GDF9: variants seen among roughly 807,000 people sequenced by gnomAD.
GDF9 encodes the protein growth differentiation factor 9.
GDF9 carries 30 observed loss-of-function variants against 33.8 expected under a neutral mutation model. That is an observed-to-expected ratio of 0.89 (90% CI 0.66 to 1.20). GDF9 has a LOEUF of 1.20. Ranked by LOEUF, GDF9 falls within the 50% of genes most tolerant of loss-of-function variation. The pLI is 0.00. For synonymous variants in GDF9, 205 were observed against 200.7 expected (o/e 1.02, Z -0.18); for missense variants, 556 against 543.7 (o/e 1.02, Z -0.22).
Position 132,862,034 on chromosome 5 carries a change from G to T in GDF9, c.920C>A (p.Ala307Asp), listed in dbSNP as rs1390494025. ...LSAYPVGEEA[A>D]EDGRSSHHRH... is the part of the protein sequence containing the mutation. The stretch of plus-strand genomic sequence containing the variant: ...GTGATGGGAAGATCTCCCATCCTCA[G>T]CAGCCTCTTCTCCCACAGGATAGGC... The change falls in exon 2 of 2, where the codon GCT (alanine) becomes GAT (aspartate). Residue 307 changes from alanine (A) to aspartate (D), a missense_variant. Physicochemically the swap from Ala to Asp is moderately radical, Grantham distance 126. Coordinates refer to ENST00000687138, the MANE Select transcript of GDF9 (RefSeq NM_005260.7). 2 of 1,613,830 alleles carry T rather than the reference G, an allele frequency of 1.2e-6. No homozygotes were observed. Among genetic ancestry groups the T allele is most frequent in the Admixed American group, 1.7e-5 (1 of 60,026 alleles).
upstream of GDF9, chr5:132,866,617 G>T (rs562291224): frequency 5.8e-4 from 327 of 564,112 alleles, 1 homozygote; most frequent in African/African-American, 5.6e-3. Flanking sequence ...CTCCAAGAGC[G>T]GCTTCCAACC....
rs1759301213 is a variant in GDF9 at position 132,862,185 on chromosome 5, T to G, written c.769A>C (p.Thr257Pro). 6.2e-7 allele frequency: 1 copy of G among 1,613,834 alleles called. No homozygotes were observed. Residue 257 changes from threonine (T) to proline (P), a missense_variant, in exon 2 of 2, where the codon ACT becomes CCT. Physicochemically the swap from Thr to Pro is conservative, Grantham distance 38 (BLOSUM62 -1). Coordinates refer to ENST00000687138, the MANE Select transcript of GDF9 (RefSeq NM_005260.7). ...PSAQNGLFNM[T>P]LVSPSLILYL... ...AAGATCAGTGAGGGGGACACCAGAG[T>G]CATGTTAAACAAACCATTCTGTGCT...
rs1416970286 is a variant in GDF9 at position 132,861,311 on chromosome 5, G to A, written c.*278C>T. 5.0e-6 allele frequency: 2 copies of A among 403,262 alleles called. No homozygotes were observed. Among genetic ancestry groups the A allele is most frequent in the African/African-American group, 2.0e-5 (1 of 48,896 alleles). The allele number at this position is 403,262 out of a possible 1,614,324, so 25.0% of individuals were successfully genotyped here. ...TCCCTATCAAGAATAAGACTCCTATGAAAAGAAAAAAAATCACTCAAGGAA... is the reference window on the plus strand; with the variant it reads ...TCCCTATCAAGAATAAGACTCCTATAAAAAGAAAAAAAATCACTCAAGGAA... On this transcript the variant is annotated 3_prime_UTR_variant, in exon 2 of 2. Transcript: ENST00000687138.
chr5:132,863,645 A>G (rs947141668), intron 1 of GDF9, among the ~76,000 whole-genome samples: 3 of 152,042 alleles, frequency 2.0e-5, no homozygotes, highest in African/African-American at 7.2e-5. Context: ...TCACCATGTT[A>G]TAATTTTTTA....
Position 132,864,236 on chromosome 5 carries a change from C to T in GDF9, c.298G>A (p.Glu100Lys). 1 of 1,614,196 alleles carries T rather than the reference C, an allele frequency of 6.2e-7. No individual in the cohort carries two copies. Among genetic ancestry groups the T allele is most frequent in the Non-Finnish European group, 8.5e-7 (1 of 1,180,022 alleles). ...CTTCTATTGGATTTAGGAATCCCTT[C>T]CTTGGTAGCATATGTCTTATAGAGC... is the stretch of plus-strand genomic sequence containing the variant. ...KKLYKTYATK[E>K]GIPKSNRSHL... The change falls in exon 1 of 2, where the codon GAA (glutamate) becomes AAA (lysine). Residue 100 changes from glutamate (E) to lysine (K), a missense_variant. Coordinates refer to ENST00000687138, the MANE Select transcript of GDF9 (RefSeq NM_005260.7).
rs17166294 is a variant in GDF9 at position 132,866,205 on chromosome 5, T to C, written c.-1672A>G. 27,592 of 153,010 alleles carry C rather than the reference T, an allele frequency of 0.18. 2,800 individuals carry two copies. Among genetic ancestry groups the C allele is most frequent in the African/African-American group, 0.27 (11,032 of 41,474 alleles). The allele number at this position is 153,010 out of a possible 1,614,324, so 9.5% of individuals were successfully genotyped here. On this transcript the variant is annotated 5_prime_UTR_variant, in exon 1 of 2. Transcript: ENST00000687138. ...AATGAAACCTCGTGCTCCTCTGCTG[T>C]GGGGCGGCCCGGCCTCGGGGCTCAG... is the stretch of plus-strand genomic sequence containing the variant.
intron 1 of GDF9, among the ~76,000 whole-genome samples, chr5:132,862,926 G>A (rs1387027287): frequency 6.6e-6 from 1 of 152,142 alleles, no homozygotes; most frequent in Non-Finnish European, 1.5e-5. Flanking sequence ...CCTCCCAGGT[G>A]CAACTGATCC....
In GDF9 at chr5:132,861,554, G is replaced by T; in HGVS notation, c.*35C>A. The T allele has an allele frequency of 6.3e-7, 1 of 1,598,044 alleles. No individual in the cohort carries two copies. The highest frequency in any genetic ancestry group is 1.3e-5 in the African/African-American group (1 of 74,730). On this transcript the variant is annotated 3_prime_UTR_variant, in exon 2 of 2. Transcript: ENST00000687138. ...CACATAGGCACACAGTAGTTACTTT[G>T]CCAAATAGGCTCAAGGTTTTAAGAG...
At chr5:132,862,579 A>G (rs781473198) in intron 1 of GDF9, 23 bp from the exon 2 acceptor site, 2 of 1,590,988 alleles carry the variant, frequency 1.3e-6, no homozygotes, top group Non-Finnish European at 1.7e-6. Flanking sequence ...AAAATCTACC[A>G]GTAGTGCTTG....
chr5:132,862,140 C>A lies in GDF9; in HGVS notation c.814G>T (p.Ala272Ser). ...GAATACCAGCTGTGATAAGCCTGAG[C>A]ACTTGTGTCATTCAAATATAAGATC... ...SLILYLNDTS[A>S]QAYHSWYSLH... Residue 272 changes from alanine to serine, a missense_variant, in exon 2 of 2, where the codon GCT (alanine) becomes TCT (serine). Physicochemically the swap from Ala to Ser is moderately conservative, Grantham distance 99. Transcript: ENST00000687138. The A allele has an allele frequency of 6.2e-7, 1 of 1,612,998 alleles. No individual in the cohort carries two copies. Among genetic ancestry groups the A allele is most frequent in the Non-Finnish European group, 8.5e-7 (1 of 1,178,990 alleles).
rs1759304110 is a variant in GDF9 at position 132,862,213 on chromosome 5, A to G, written c.741T>C (p.Pro247=). ...TGTTAAACAAACCATTCTGTGCTGA[A>G]GGATGCTCCAGCTGGTCTTTCATGC... ...FTCMKDQLEH[P]SAQNGLFNMT... is the part of the protein sequence containing the mutation. Residue 247 remains proline, a synonymous_variant, in exon 2 of 2, where the codon CCT becomes CCC. Coordinates refer to ENST00000687138, the MANE Select transcript of GDF9 (RefSeq NM_005260.7). The G allele has an allele frequency of 6.2e-7, 1 of 1,614,010 alleles. No homozygotes were observed. The highest frequency in any genetic ancestry group is 8.5e-7 in the Non-Finnish European group (1 of 1,179,826).
rs749091237 is a variant in GDF9 at position 132,862,096 on chromosome 5, C to T, written c.858G>A (p.Arg286=). 24 of 1,613,816 alleles carry T rather than the reference C, an allele frequency of 1.5e-5. No homozygotes were observed. Among genetic ancestry groups the T allele is most frequent in the Non-Finnish European group, 2.0e-5 (24 of 1,179,842 alleles). The change falls in exon 2 of 2, where the codon AGG becomes AGA. Residue 286 remains arginine, a synonymous_variant. Coordinates refer to ENST00000687138, the MANE Select transcript of GDF9 (RefSeq NM_005260.7). ...TCTCCTGGTCAGGACCCTGGGAAGG[C>T]CTCCTTTTATAGTGAAGGGAATACC... ...HSWYSLHYKR[R]PSQGPDQERS... is the part of the protein sequence containing the mutation.
chr5:132,861,552 T>A lies in GDF9; in HGVS notation c.*37A>T, dbSNP rs1334921576. On this transcript the variant is annotated 3_prime_UTR_variant, in exon 2 of 2. Coordinates refer to ENST00000687138, the MANE Select transcript of GDF9 (RefSeq NM_005260.7). ...CACACATAGGCACACAGTAGTTACT[T>A]TGCCAAATAGGCTCAAGGTTTTAAG... 4 of 1,597,070 alleles carry A rather than the reference T, an allele frequency of 2.5e-6. No homozygotes were observed. The highest frequency in any genetic ancestry group is 3.4e-6 in the Non-Finnish European group (4 of 1,164,778).
Position 132,865,093 on chromosome 5 carries a change from A to G in GDF9, c.-560T>C, listed in dbSNP as rs1759520812. 1 of 153,768 alleles carries G rather than the reference A, an allele frequency of 6.5e-6. No homozygotes were observed. The highest frequency in any genetic ancestry group is 2.4e-5 in the African/African-American group (1 of 41,448). 9.5% of individuals were successfully genotyped at this position (153,768 alleles called of 1,614,324 possible). A position where few individuals can be genotyped will look rare whatever the true frequency, so the allele number is the denominator to read the frequency against. On this transcript the variant is annotated 5_prime_UTR_variant, in exon 1 of 2. Coordinates refer to ENST00000687138, the MANE Select transcript of GDF9 (RefSeq NM_005260.7). ...AATTGTAATTATTCGCTGCATGTTA[A>G]TTTGCGAATTTACAAATTTGGGTGA... is the stretch of plus-strand genomic sequence containing the variant.
In GDF9 at chr5:132,864,614, T is replaced by C; in HGVS notation, c.-81A>G. The C allele has an allele frequency of 6.9e-7, 1 of 1,450,326 alleles. No individual in the cohort carries two copies. The highest frequency in any genetic ancestry group is 9.5e-7 in the Non-Finnish European group (1 of 1,048,306). 89.8% of individuals were successfully genotyped at this position (1,450,326 alleles called of 1,614,324 possible). On this transcript the variant is annotated 5_prime_UTR_variant, in exon 1 of 2. Coordinates refer to ENST00000687138, the MANE Select transcript of GDF9 (RefSeq NM_005260.7). ...GCCAGGAAGAGCCTAGCTTGGTCTC[T>C]TAAATAAATTTCAGGTGTGTGGGTG...
upstream of GDF9, chr5:132,866,612 AG>A (rs556822527): frequency 5.3e-4 from 295 of 559,656 alleles, 4 homozygotes; most frequent in South Asian, 5.9e-3. Context: ...ACGACCTCCA[AG>A]AGCGGCTTCC....
rs549040205 is a variant in GDF9 at position 132,861,601 on chromosome 5, G to A, written c.1353C>T (p.Cys451=). ...AGAGGACCATTTGTTAACGACAGGTGCACTTTGTAGCTATCATATCTTCGT... is the reference window on the plus strand; with the variant it reads ...AGAGGACCATTTGTTAACGACAGGTACACTTTGTAGCTATCATATCTTCGT... ...KEYEDMIATK[C]TCR The change falls in exon 2 of 2, where the codon TGC becomes TGT. Residue 451 remains cysteine (C), a synonymous_variant. Transcript: ENST00000687138. 5.4e-4 allele frequency: 872 copies of A among 1,613,464 alleles called. 8 individuals are homozygous for A. The South Asian group carries it at 9.2e-3, about 17-fold the overall frequency.
rs932397183 is a variant in GDF9, at chr5:132,861,527, C to T, written c.*62G>A. On this transcript the variant is annotated 3_prime_UTR_variant, in exon 2 of 2. Coordinates refer to ENST00000687138, the MANE Select transcript of GDF9 (RefSeq NM_005260.7). ...AATATATGAAGCTTTCTCTTGAAGG[C>T]ACACATAGGCACACAGTAGTTACTT... 6 of 1,406,226 alleles carry T rather than the reference C, an allele frequency of 4.3e-6. No homozygotes were observed. Among genetic ancestry groups the T allele is most frequent in the African/African-American group, 4.2e-5 (3 of 70,932 alleles). 87.1% of individuals were successfully genotyped at this position (1,406,226 alleles called of 1,614,324 possible). A position where few individuals can be genotyped will look rare whatever the true frequency, so the allele number is the denominator to read the frequency against.
rs577349754 is a variant in GDF9, at chr5:132,865,762, T to C, written c.-1229A>G. The C allele has an allele frequency of 3.9e-5, 6 of 152,276 alleles. No individual in the cohort carries two copies. In the East Asian group the frequency reaches 9.6e-4, roughly 24 times the overall value. The allele number at this position is 152,276 out of a possible 1,614,324, so 9.4% of individuals were successfully genotyped here. A position where few individuals can be genotyped will look rare whatever the true frequency, so the allele number is the denominator to read the frequency against. On this transcript the variant is annotated 5_prime_UTR_variant, in exon 1 of 2. Coordinates refer to ENST00000687138, the MANE Select transcript of GDF9 (RefSeq NM_005260.7). ...GATAAAATATGGCCAGCAATTCCAT[T>C]AACAAAACACTGACAAGACACCTCA...
Sources: allele counts gnomAD v4.1 joint callset (sites outside exome capture counted in the v4.1 genomes callset), GRCh38; gene constraint gnomAD v4.1.1; transcripts MANE v1.5; gene names NCBI Gene and HGNC (gene_info 2026-07-23, HGNC 2026-07-21).